The following GABRB3 variants were observed in gnomAD, a reference collection of about 807,000 sequenced individuals.
The protein encoded by GABRB3 is gamma-aminobutyric acid receptor subunit beta-3.
GABRB3 carries 14 observed loss-of-function variants against 52.1 expected under a neutral mutation model. That is an observed-to-expected ratio of 0.27 (90% CI 0.18 to 0.42). The LOEUF (loss-of-function observed/expected upper bound fraction) is 0.42. GABRB3 is among the 10% of genes least tolerant of loss of function. The probability of loss-of-function intolerance (pLI) is 1.00; values close to 1 mark genes in which losing one functional copy is unlikely to be tolerated. For missense variants in GABRB3, 307 were observed against 609.1 expected (o/e 0.50, Z 5.22); for synonymous variants, 260 against 232.3 (o/e 1.12, Z -1.08).
Position 26,621,994 on chromosome 15 carries a change from T to C in GABRB3, c.241-460A>G, listed in dbSNP as rs924984341. ...CACTTTCCTCTGGTTCTGCCCTCCA[T>C]GAGGGCTATAAATACAAACCTTCCA... On this transcript the variant is annotated intron_variant, in intron 3 of 8. Transcript: ENST00000311550. The surrounding 1 kb of genome is among the most constrained non-coding windows in gnomAD (Gnocchi z 4.1). Among the ~76,000 whole-genome samples, 3 of 152,134 alleles carry C rather than the reference T, an allele frequency of 2.0e-5. No homozygotes were observed. The highest frequency in any genetic ancestry group is 7.2e-5 in the African/African-American group (3 of 41,426).
At chr15:26,734,550 C>T in intron 3 of GABRB3, among the ~76,000 whole-genome samples, 1 of 150,664 alleles carries the variant, frequency 6.6e-6, no homozygotes. Context: ...GAGACTGGGG[C>T]TGGAGGACTA....
At position 26,560,964 on chromosome 15, in the gene GABRB3, T is replaced by C; in HGVS notation, c.1048A>G (p.Lys350Glu). ...KKLAEKTAKA[K>E]NDRSKSESNR... ...CTTTCGCTCTTTGAACGGTCATTCT[T>C]TGCCTTGGCTGTCTTTTCTGCAAGC... is the stretch of plus-strand genomic sequence containing the variant. The change falls in exon 8 of 9, where the codon AAG becomes GAG. Residue 350 changes from lysine to glutamate, a missense_variant. This residue lies in a region of GABRB3 where 115 missense variants were observed against 166.9 expected (regional missense o/e 0.69). Coordinates refer to ENST00000311550, the MANE Select transcript of GABRB3 (RefSeq NM_000814.6). 1 of 1,614,084 alleles carries C rather than the reference T, an allele frequency of 6.2e-7. No individual in the cohort carries two copies. Among genetic ancestry groups the C allele is most frequent in the Non-Finnish European group, 8.5e-7 (1 of 1,179,958 alleles).
At chr15:26,609,669 A>C (rs564260236) in intron 4 of GABRB3, among the ~76,000 whole-genome samples, 4 of 152,262 alleles carry the variant, frequency 2.6e-5, no homozygotes, top group African/African-American at 4.8e-5. Context: ...TTTTTAAAAA[A>C]TCTGTTAGGC....
chr15:26,591,003 A>C (rs183312026), intron 4 of GABRB3, among the ~76,000 whole-genome samples: 15 of 152,314 alleles, frequency 9.8e-5, no homozygotes, highest in African/African-American at 3.4e-4. Flanking sequence ...AGCCATGCCC[A>C]GAAGAGTCTG....
intron 3 of GABRB3, among the ~76,000 whole-genome samples, chr15:26,693,086 A>G (rs1025091950): frequency 1.3e-5 from 2 of 152,178 alleles, no homozygotes; most frequent in African/African-American, 4.8e-5. Context: ...TAAGGATCTA[A>G]TGTCACAACA....
intron 3 of GABRB3, among the ~76,000 whole-genome samples, chr15:26,682,479 C>T (rs1013405940): frequency 2.3e-4 from 35 of 152,162 alleles, no homozygotes; most frequent in African/African-American, 7.7e-4. Context: ...TGTACAGACA[C>T]GGAGCCCGGC....
At chr15:26,647,394 C>G (rs1030908257) in intron 3 of GABRB3, among the ~76,000 whole-genome samples, 1 of 152,118 alleles carries the variant, frequency 6.6e-6, no homozygotes, top group South Asian at 2.1e-4. Context: ...ATCACTTGGG[C>G]TTTTGAAGTC....
intron 3 of GABRB3, among the ~76,000 whole-genome samples, chr15:26,723,662 C>T (rs527705343): frequency 2.0e-5 from 3 of 152,116 alleles, no homozygotes; most frequent in Non-Finnish European, 4.4e-5. Flanking sequence ...TGACTCTGTC[C>T]GTTGGAAACC....
chr15:26,633,056 C>T (rs1892952835), intron 3 of GABRB3, among the ~76,000 whole-genome samples: 2 of 152,124 alleles, frequency 1.3e-5, no homozygotes, highest in Admixed American at 1.3e-4. Context: ...TCCTGAGATG[C>T]AGGTGAAGAA....
Position 26,713,231 on chromosome 15 carries a change from G to A in GABRB3, c.240+59171C>T, listed in dbSNP as rs116874673. Among the ~76,000 whole-genome samples, 651 of 152,334 alleles carry A rather than the reference G, an allele frequency of 4.3e-3. 2 individuals carry two copies. The highest frequency in any genetic ancestry group is 6.8e-3 in the Middle Eastern group (2 of 294). On this transcript the variant is annotated intron_variant, in intron 3 of 8. Coordinates refer to ENST00000311550, the MANE Select transcript of GABRB3 (RefSeq NM_000814.6). ...AGTGGGAAAGGTGTCCCAGGAGGCC[G>A]TGACTGTAGGGGAAGGGCAGTGGTA... is the stretch of plus-strand genomic sequence containing the variant.
At chr15:26,564,048 G>A (rs1890078545) in intron 7 of GABRB3, among the ~76,000 whole-genome samples, 1 of 152,018 alleles carries the variant, frequency 6.6e-6, no homozygotes, top group Non-Finnish European at 1.5e-5. Flanking sequence ...TGCAGATTGA[G>A]CATCTCTAAC....
At chr15:26,572,492 A>G (rs2140710289) in intron 6 of GABRB3, among the ~76,000 whole-genome samples, 1 of 152,310 alleles carries the variant, frequency 6.6e-6, no homozygotes, top group East Asian at 1.9e-4. Context: ...TATCTGACGT[A>G]GTAGATCTAT....
Position 26,746,949 on chromosome 15 carries a change from T to G in GABRB3, c.240+25453A>C, listed in dbSNP as rs186604865. Among the ~76,000 whole-genome samples, 13 of 152,286 alleles carry G rather than the reference T, an allele frequency of 8.5e-5. No individual in the cohort carries two copies. In the East Asian group the frequency reaches 2.5e-3, roughly 29 times the overall value. ...TTGCAGTGAGCAGAGATCGCACTAC[T>G]GCACTCCAGCCTGGGCGACAGAGCA... On this transcript the variant is annotated intron_variant, in intron 3 of 8. Transcript: ENST00000311550.
chr15:26,760,657 G>C (rs1001194069), intron 3 of GABRB3, among the ~76,000 whole-genome samples: 4 of 151,882 alleles, frequency 2.6e-5, no homozygotes, highest in Non-Finnish European at 5.9e-5. Flanking sequence ...GGCATAAGGA[G>C]AAAAAGAAAG....
At chr15:26,709,851 C>T (rs1472503420) in intron 3 of GABRB3, among the ~76,000 whole-genome samples, 1 of 152,120 alleles carries the variant, frequency 6.6e-6, no homozygotes, top group Non-Finnish European at 1.5e-5. Context: ...ACCCAGCCTC[C>T]AGTATTCCTT....
At chr15:26,642,735 C>T (rs757287739) in intron 3 of GABRB3, among the ~76,000 whole-genome samples, 1 of 151,596 alleles carries the variant, frequency 6.6e-6, no homozygotes, top group Non-Finnish European at 1.5e-5. Flanking sequence ...GAGTTATTTG[C>T]GAGAAAGATT....
intron 4 of GABRB3, among the ~76,000 whole-genome samples, chr15:26,616,964 A>G (rs916571304): frequency 6.6e-6 from 1 of 152,100 alleles, no homozygotes; most frequent in African/African-American, 2.4e-5. Context: ...GTTAAAAAAA[A>G]AAACAAAAAG....
chr15:26,603,269 G>A (rs1257701508), intron 4 of GABRB3, among the ~76,000 whole-genome samples: 1 of 151,868 alleles, frequency 6.6e-6, no homozygotes, highest in Non-Finnish European at 1.5e-5. Context: ...ACAATAAAAA[G>A]TCTCTCAGTA....
chr15:26,587,726 G>A (rs1331665222), intron 4 of GABRB3, among the ~76,000 whole-genome samples: 2 of 152,152 alleles, frequency 1.3e-5, no homozygotes, highest in Non-Finnish European at 2.9e-5. Flanking sequence ...CCTAGTGCAC[G>A]GAGATCAACC....
Sources: gnomAD v4.1 joint callset for allele counts (sites outside exome capture counted in the v4.1 genomes callset) on GRCh38, gnomAD v4.1.1 for gene constraint, gnomAD v4.1.1 regional missense constraint, Gnocchi (gnomAD v3.1) non-coding constraint, MANE v1.5 for transcripts, NCBI Gene and HGNC (gene_info 2026-07-23, HGNC 2026-07-21) for gene names.